PDE3A: variants seen among roughly 807,000 people sequenced by gnomAD.
PDE3A encodes cGMP-inhibited 3',5'-cyclic phosphodiesterase 3A.
Under a neutral mutation model 98.3 loss-of-function variants are expected in PDE3A, and 43 were observed. The ratio of observed to expected loss-of-function variants is 0.44; its 90% CI spans 0.34 to 0.56. The LOEUF (loss-of-function observed/expected upper bound fraction) is 0.56. Among genes scored for constraint, PDE3A ranks in the 20% least tolerant of loss-of-function variants. The probability of loss-of-function intolerance (pLI) is 0.01; values close to 1 mark genes in which losing one functional copy is unlikely to be tolerated. For synonymous variants in PDE3A, 663 were observed against 567.9 expected, an observed-to-expected ratio of 1.17 and a Z score of -2.38; for missense variants, 1,427 against 1,440.7, an observed-to-expected ratio of 0.99 and a Z score of 0.15.
chr12:20,607,384 C>G (rs1439327603), intron 2 of PDE3A, among the ~76,000 whole-genome samples: 1 of 148,056 alleles, frequency 6.8e-6, no homozygotes, highest in Non-Finnish European at 1.5e-5. Flanking sequence ...TTGCAGTGAG[C>G]TGAGATCGTG....
chr12:20,447,983 T>C (rs1016324476), intron 1 of PDE3A, among the ~76,000 whole-genome samples: 2 of 152,200 alleles, frequency 1.3e-5, no homozygotes, highest in Non-Finnish European at 2.9e-5. Context: ...TGTTGAGTGA[T>C]GTGTGAGAGT....
Position 20,621,384 on chromosome 12 carries a change from G to T in PDE3A, c.1513G>T (p.Val505Leu). The change falls in exon 5 of 16, where the codon GTA becomes TTA. Residue 505 changes from valine (V) to leucine (L), a missense_variant. Around this residue, in one of 3 missense-constraint regions of PDE3A, gnomAD observed 1,012 missense variants for 886.5 expected, o/e 1.14. Coordinates refer to ENST00000359062, the MANE Select transcript of PDE3A (RefSeq NM_000921.5). The part of the protein sequence containing the change: ...SSYAISAANH[V>L]KAKKQSRPGA... ...CTATGCTATTTCTGCAGCTAACCAT[G>T]TAAAGGCTAAAAAGCAAAGTCGACC... The T allele has an allele frequency of 6.2e-7, 1 of 1,610,632 alleles. No homozygotes were observed. The highest frequency in any genetic ancestry group is 8.5e-7 in the Non-Finnish European group (1 of 1,177,100).
intron 1 of PDE3A, among the ~76,000 whole-genome samples, chr12:20,440,581 T>C (rs924491549): frequency 3.3e-5 from 5 of 152,192 alleles, no homozygotes; most frequent in African/African-American, 1.2e-4. Context: ...ATAAGTCACA[T>C]CACTTACATA....
chr12:20,582,898 G>T (rs1943104749), intron 2 of PDE3A, among the ~76,000 whole-genome samples: 1 of 152,156 alleles, frequency 6.6e-6, no homozygotes, highest in African/African-American at 2.4e-5. Flanking sequence ...GGGAAAAATA[G>T]TTAATTTTAG....
chr12:20,611,931 C>T (rs1270463387), intron 2 of PDE3A, among the ~76,000 whole-genome samples: 6 of 151,518 alleles, frequency 4.0e-5, no homozygotes, highest in African/African-American at 9.7e-5. Flanking sequence ...ATATGTATCT[C>T]GGTTGTCGTT....
At position 20,369,704 on chromosome 12, in the gene PDE3A, G is replaced by C; in HGVS notation, c.420G>C (p.Leu140=). The change falls in exon 1 of 16, where the codon CTG becomes CTC. Residue 140 remains leucine (L), a synonymous_variant. Coordinates refer to ENST00000359062, the MANE Select transcript of PDE3A (RefSeq NM_000921.5). The part of the protein sequence containing the change: ...LQPSALLFSL[L]CAFFWMGLYL... Reference sequence around the variant, plus strand: ...CCTCGGCGCTGCTCTTCAGTCTCCTGTGTGCCTTCTTCTGGATGGGCTTGT... The same window carrying C: ...CCTCGGCGCTGCTCTTCAGTCTCCTCTGTGCCTTCTTCTGGATGGGCTTGT... 1 of 1,612,082 alleles carries C rather than the reference G, an allele frequency of 6.2e-7. No homozygotes were observed. Among genetic ancestry groups the C allele is most frequent in the Non-Finnish European group, 8.5e-7 (1 of 1,179,706 alleles).
intron 1 of PDE3A, among the ~76,000 whole-genome samples, chr12:20,458,150 C>T (rs1371905723): frequency 1.3e-5 from 2 of 151,918 alleles, no homozygotes; most frequent in Non-Finnish European, 2.9e-5. Flanking sequence ...AGTTAGCTGT[C>T]CTGCTTATTG....
intron 1 of PDE3A, among the ~76,000 whole-genome samples, chr12:20,531,743 A>G (rs1319159143): frequency 2.0e-5 from 3 of 152,182 alleles, no homozygotes; most frequent in Non-Finnish European, 4.4e-5. Context: ...TTACAGTGTC[A>G]AGACATTGCG....
At chr12:20,667,716 TG>T (rs1945351826) in intron 15 of PDE3A, among the ~76,000 whole-genome samples, 1 of 152,236 alleles carries the variant, frequency 6.6e-6, no homozygotes, top group Non-Finnish European at 1.5e-5. Flanking sequence ...CCTCCATCTT[TG>T]TTCTTTTCGT....
intron 13 of PDE3A, among the ~76,000 whole-genome samples, chr12:20,650,079 TATA>T (rs1384488241): frequency 6.6e-6 from 1 of 152,204 alleles, no homozygotes; most frequent in Non-Finnish European, 1.5e-5. Context: ...TCATATAATG[TATA>T]ATAATCACAA....
intron 2 of PDE3A, among the ~76,000 whole-genome samples, chr12:20,581,261 A>G (rs1408598185): frequency 6.6e-6 from 1 of 152,198 alleles, no homozygotes; most frequent in Non-Finnish European, 1.5e-5. Context: ...GCCAAACAGA[A>G]GGCTTATTGC....
At chr12:20,600,703 A>G (rs1441318594) in intron 2 of PDE3A, among the ~76,000 whole-genome samples, 1 of 152,104 alleles carries the variant, frequency 6.6e-6, no homozygotes, top group Middle Eastern at 3.2e-3. Context: ...TGGCATTTTC[A>G]CTGTTTTCTG....
intron 1 of PDE3A, among the ~76,000 whole-genome samples, chr12:20,457,286 T>G (rs1945169748): frequency 6.6e-6 from 1 of 151,426 alleles, no homozygotes; most frequent in Admixed American, 6.6e-5. Flanking sequence ...TTTTCTATTT[T>G]TTTCATTTAG....
At chr12:20,432,702 A>G (rs1049251132) in intron 1 of PDE3A, among the ~76,000 whole-genome samples, 1 of 152,088 alleles carries the variant, frequency 6.6e-6, no homozygotes, top group Non-Finnish European at 1.5e-5. Flanking sequence ...TCAGAGTGCA[A>G]ATTTCTTAGT....
intron 1 of PDE3A, among the ~76,000 whole-genome samples, chr12:20,454,279 T>C (rs1945117290): frequency 6.6e-6 from 1 of 152,198 alleles, no homozygotes. Context: ...ATTTTTTCAC[T>C]TCCTTGCCTG....
chr12:20,595,775 T>A (rs1943452061), intron 2 of PDE3A, among the ~76,000 whole-genome samples: 1 of 152,184 alleles, frequency 6.6e-6, no homozygotes, highest in Non-Finnish European at 1.5e-5. Flanking sequence ...AAAGGGGCCA[T>A]TGCATCTGCT....
At chr12:20,542,208 G>T (rs1285400215) in intron 1 of PDE3A, among the ~76,000 whole-genome samples, 2 of 151,884 alleles carry the variant, frequency 1.3e-5, no homozygotes, top group Non-Finnish European at 2.9e-5. Flanking sequence ...TTTTGTAAAA[G>T]ACTTTTTGGA....
At chr12:20,546,497 A>G (rs1476022387) in intron 1 of PDE3A, among the ~76,000 whole-genome samples, 1 of 152,080 alleles carries the variant, frequency 6.6e-6, no homozygotes, top group Non-Finnish European at 1.5e-5. Flanking sequence ...GGGGAGACAT[A>G]CAGTTCAGGC....
intron 1 of PDE3A, among the ~76,000 whole-genome samples, chr12:20,392,502 G>T (rs1943935469): frequency 7.0e-6 from 1 of 143,742 alleles, no homozygotes; most frequent in Admixed American, 7.3e-5. Flanking sequence ...GTGAGATCCT[G>T]TCTCATAAAT....
Sources: gnomAD v4.1 joint callset for allele counts (sites outside exome capture counted in the v4.1 genomes callset) on GRCh38, gnomAD v4.1.1 for gene constraint, gnomAD v4.1.1 regional missense constraint, MANE v1.5 for transcripts, NCBI Gene and HGNC (gene_info 2026-07-23, HGNC 2026-07-21) for gene names.